MRPL49: variants seen among roughly 807,000 people sequenced by gnomAD.
MRPL49 encodes mitochondrial ribosomal protein L49, also known as large ribosomal subunit protein mL49.
A neutral mutation model predicts 18.4 loss-of-function variants in MRPL49; 14 were observed. The observed-to-expected ratio is 0.76, with a 90% CI of 0.50 to 1.19. MRPL49 has a LOEUF of 1.19. Ranked by LOEUF, MRPL49 falls within the 50% of genes most tolerant of loss-of-function variation. MRPL49 has a pLI of 0.00. For synonymous variants in MRPL49, 104 were observed against 86.2 expected, an observed-to-expected ratio of 1.21 and a Z score of -1.14; for missense variants, 190 against 217.8, an observed-to-expected ratio of 0.87 and a Z score of 0.80.
In MRPL49 at chr11:65,125,740, CGTG is replaced by C; in HGVS notation, c.371_373del (p.Val124del). On this transcript the variant is annotated inframe_deletion, in exon 4 of 4. Coordinates refer to ENST00000279242, the MANE Select transcript of MRPL49 (RefSeq NM_004927.4). ...TCTTTCCCCAGGCCCTGCAGAAAGA[CGTG>C]GAAGATTTTCTGAGCCCGCTGCTGG... 1.9e-6 allele frequency: 3 copies of C among 1,613,840 alleles called. No homozygotes were observed. The highest frequency in any genetic ancestry group is 2.5e-6 in the Non-Finnish European group (3 of 1,179,950).
chr11:65,122,443 G>T lies in MRPL49; in HGVS notation c.78+19G>T. ...GCTGTTGGTGAGAGCGCTGAGCGAGGAGCTGAGGGCATCGCGTGGGTGTGA... is the reference window on the plus strand; with the variant it reads ...GCTGTTGGTGAGAGCGCTGAGCGAGTAGCTGAGGGCATCGCGTGGGTGTGA... On this transcript the variant is annotated intron_variant, in intron 1 of 3. Transcript: ENST00000279242. 1 of 1,606,242 alleles carries T rather than the reference G, an allele frequency of 6.2e-7. No homozygotes were observed. The highest frequency in any genetic ancestry group is 8.5e-7 in the Non-Finnish European group (1 of 1,176,410).
intron 2 of MRPL49, chr11:65,125,232 G>A: frequency 6.1e-6 from 3 of 491,744 alleles, no homozygotes; most frequent in Non-Finnish European, 7.1e-6. Flanking sequence ...AAGATCCAGG[G>A]AGGCATGTCC....
Position 65,125,910 on chromosome 11 carries a change from G to T in MRPL49, c.*38G>T, listed in dbSNP as rs765793910. 5.7e-6 allele frequency: 9 copies of T among 1,581,696 alleles called. No individual in the cohort carries two copies. In the African/African-American group the frequency reaches 1.2e-4, roughly 21 times the overall value. Reference sequence around the variant, plus strand: ...CAGCCTGCTTGTCAGCATGCCCTGTGGATCAAGTCTAGGGGGCCTCAGGAG... The same window carrying T: ...CAGCCTGCTTGTCAGCATGCCCTGTTGATCAAGTCTAGGGGGCCTCAGGAG... On this transcript the variant is annotated 3_prime_UTR_variant, in exon 4 of 4. Coordinates refer to ENST00000279242, the MANE Select transcript of MRPL49 (RefSeq NM_004927.4).
chr11:65,123,164 C>T (rs1030290447), intron 1 of MRPL49, among the ~76,000 whole-genome samples: 4 of 152,088 alleles, frequency 2.6e-5, no homozygotes, highest in Non-Finnish European at 5.9e-5. Context: ...TTTCTAAAAC[C>T]GAGACAGAAA....
At chr11:65,125,364 A>T in intron 2 of MRPL49, 124 bp from the exon 3 acceptor site, 6 of 1,286,112 alleles carry the variant, frequency 4.7e-6, no homozygotes, top group Non-Finnish European at 5.4e-6. Flanking sequence ...CCCTGACCTA[A>T]AGTCTGGAGG....
Position 65,126,780 on chromosome 11 carries a change from C to T in MRPL49, c.*908C>T, listed in dbSNP as rs1948106615. ...GGAGGCACGTTCTTGGTCACTGTTC[C>T]ATTGCAGACCAGACTTGCTGGCCTG... On this transcript the variant is annotated 3_prime_UTR_variant, in exon 4 of 4. Coordinates refer to ENST00000279242, the MANE Select transcript of MRPL49 (RefSeq NM_004927.4). 1.9e-6 allele frequency: 1 copy of T among 535,888 alleles called. No individual in the cohort carries two copies. Among genetic ancestry groups the T allele is most frequent in the Non-Finnish European group, 3.3e-6 (1 of 303,326 alleles). The allele number at this position is 535,888 out of a possible 1,614,324, so 33.2% of individuals were successfully genotyped here. A position where few individuals can be genotyped will look rare whatever the true frequency, so the allele number is the denominator to read the frequency against.
At chr11:65,122,601 G>A in intron 1 of MRPL49, 177 bp downstream of exon 1, 1 of 617,056 alleles carries the variant, frequency 1.6e-6, no homozygotes, top group East Asian at 2.9e-5. Context: ...GTAGACTGGG[G>A]TGCTCTTTGG....
chr11:65,124,075 AT>A (rs1417370785), intron 1 of MRPL49, among the ~76,000 whole-genome samples: 1 of 151,986 alleles, frequency 6.6e-6, no homozygotes, highest in Non-Finnish European at 1.5e-5. Flanking sequence ...TTCAGTAGAG[AT>A]GGGGTTTCGC....
At chr11:65,123,659 G>C (rs1206140677) in intron 1 of MRPL49, among the ~76,000 whole-genome samples, 3 of 150,494 alleles carry the variant, frequency 2.0e-5, no homozygotes, top group Non-Finnish European at 4.4e-5. Flanking sequence ...GCTTGAACTT[G>C]GGAGGCGGAG....
rs539233989 is a variant in MRPL49 at position 65,124,633 on chromosome 11, T to C, written c.210T>C (p.Ser70=). The stretch of plus-strand genomic sequence containing the variant: ...AGCATGAACATTATCCTACCCCTAG[T>C]GGCTGGCAGCCTCCCAGAGGTGAGC... ...PPKHEHYPTP[S]GWQPPRDPPP... Residue 70 remains serine, a synonymous_variant, in exon 2 of 4, where the codon AGT becomes AGC. Transcript: ENST00000279242. The C allele has an allele frequency of 6.2e-6, 10 of 1,614,120 alleles. No individual in the cohort carries two copies. The highest frequency in any genetic ancestry group is 1.3e-5 in the African/African-American group (1 of 75,058).
intron 1 of MRPL49, among the ~76,000 whole-genome samples, chr11:65,124,114 C>G (rs1413706422): frequency 2.6e-5 from 4 of 152,204 alleles, no homozygotes; most frequent in African/African-American, 9.6e-5. Flanking sequence ...TGTTGAACTC[C>G]TGACCTTAGA....
chr11:65,126,056 G>A lies in MRPL49; in HGVS notation c.*184G>A. On this transcript the variant is annotated 3_prime_UTR_variant, in exon 4 of 4. Transcript: ENST00000279242. The stretch of plus-strand genomic sequence containing the variant: ...AACTCTATGTACATGCTGGGGGAGA[G>A]TGCCTAATGTGGGAGACCAAATAGG... The A allele has an allele frequency of 1.6e-6, 1 of 619,890 alleles. No individual in the cohort carries two copies. The highest frequency in any genetic ancestry group is 2.6e-6 in the Non-Finnish European group (1 of 378,040). 38.4% of individuals were successfully genotyped at this position (619,890 alleles called of 1,614,324 possible).
chr11:65,125,965 CAG>C lies in MRPL49; in HGVS notation c.*94_*95del, dbSNP rs747275320. 5.8e-4 allele frequency: 835 copies of C among 1,446,770 alleles called. No homozygotes were observed. The highest frequency in any genetic ancestry group is 7.3e-4 in the Non-Finnish European group (787 of 1,074,766). 89.6% of individuals were successfully genotyped at this position (1,446,770 alleles called of 1,614,324 possible). On this transcript the variant is annotated 3_prime_UTR_variant, in exon 4 of 4. Transcript: ENST00000279242. Reference sequence around the variant, plus strand: ...GAGGTGGGTGTTGGAGCCCCTGAGACAGGGGATACAGAAACTAGGGCTAAAGG... The same window carrying C: ...GAGGTGGGTGTTGGAGCCCCTGAGACGGGATACAGAAACTAGGGCTAAAGG...
upstream of MRPL49, chr11:65,122,232 T>C (rs549089343): frequency 1.5e-5 from 17 of 1,149,746 alleles, no homozygotes; most frequent in South Asian, 1.5e-4. Flanking sequence ...CCCAAGGCAG[T>C]CCTAGCTCCG....
chr11:65,122,664 TA>T (rs1948063562), intron 1 of MRPL49, among the ~76,000 whole-genome samples: 1 of 151,656 alleles, frequency 6.6e-6, no homozygotes, highest in African/African-American at 2.4e-5. Flanking sequence ...ACGTTTCAGG[TA>T]AGGGGCGGGG....
chr11:65,125,398 T>C (rs1384396860), intron 2 of MRPL49, 90 bp from the exon 3 acceptor site: 1 of 1,552,584 alleles, frequency 6.4e-7, no homozygotes, highest in Non-Finnish European at 8.8e-7. Context: ...CTGGGTGCAC[T>C]GGCCCTCTGC....
At chr11:65,123,857 T>A (rs1189047871) in intron 1 of MRPL49, among the ~76,000 whole-genome samples, 1 of 152,200 alleles carries the variant, frequency 6.6e-6, no homozygotes, top group African/African-American at 2.4e-5. Context: ...GGACAGGCAG[T>A]TGTTGGACAG....
intron 1 of MRPL49, 119 bp from the exon 2 acceptor site, chr11:65,124,383 C>T: frequency 9.5e-7 from 1 of 1,052,342 alleles, no homozygotes; most frequent in Non-Finnish European, 1.4e-6. Context: ...ACACCGTCGC[C>T]CAGCCTTTTA....
intron 1 of MRPL49, 111 bp from the exon 2 acceptor site, chr11:65,124,391 T>C (rs1477710456): frequency 4.4e-6 from 5 of 1,138,694 alleles, no homozygotes; most frequent in Non-Finnish European, 6.3e-6. Context: ...GCCCAGCCTT[T>C]TATTTATGTC....
Sources: allele counts gnomAD v4.1 joint callset (sites outside exome capture counted in the v4.1 genomes callset), GRCh38; gene constraint gnomAD v4.1.1; transcripts MANE v1.5; gene names NCBI Gene and HGNC (gene_info 2026-07-23, HGNC 2026-07-21).